DTD1: variants seen among roughly 807,000 people sequenced by gnomAD.
The protein encoded by DTD1 is D-aminoacyl-tRNA deacylase 1.
In DTD1, 13 loss-of-function variants were observed where a neutral mutation model predicts 25.6. The observed-to-expected ratio is 0.51, with a 90% CI of 0.33 to 0.81. The LOEUF is 0.81. Ranked by LOEUF, DTD1 falls within the 30% of genes least tolerant of loss-of-function variation. The probability of loss-of-function intolerance (pLI) is 0.02; values close to 1 mark genes in which losing one functional copy is unlikely to be tolerated. For missense variants in DTD1, 193 were observed against 266.4 expected (o/e 0.72, Z 1.92); for synonymous variants, 110 against 103.6 (o/e 1.06, Z -0.37).
At chr20:18,675,270 G>C (rs2060965866) in intron 4 of DTD1, 2 of 152,258 alleles carry the variant, frequency 1.3e-5, no homozygotes, top group Non-Finnish European at 2.9e-5. Flanking sequence ...GTCCCATACT[G>C]TCATTTCTGC....
chr20:18,702,604 G>A (rs928251349), intron 4 of DTD1, among the ~76,000 whole-genome samples: 8 of 152,138 alleles, frequency 5.3e-5, no homozygotes, highest in African/African-American at 7.2e-5. Context: ...CAGTGACCAG[G>A]AGCAGGTTGG....
chr20:18,650,885 T>TA (rs1467509008), intron 4 of DTD1, among the ~76,000 whole-genome samples: 2 of 152,166 alleles, frequency 1.3e-5, no homozygotes, highest in East Asian at 3.9e-4. Flanking sequence ...CCAGTGGAAT[T>TA]AAAAAGATAA....
At chr20:18,693,648 CT>C (rs560617190) in intron 4 of DTD1, among the ~76,000 whole-genome samples, 4 of 83,362 alleles carry the variant, frequency 4.8e-5, no homozygotes, top group Non-Finnish European at 6.9e-5. Context: ...CAGAGCGAGA[CT>C]CCCATCTAAA....
At chr20:18,706,827 CTGAAAGGAAGT>C (rs1389040707) in intron 4 of DTD1, among the ~76,000 whole-genome samples, 2 of 152,222 alleles carry the variant, frequency 1.3e-5, no homozygotes, top group Non-Finnish European at 2.9e-5. Flanking sequence ...ATTTAAGACT[CTGAAAGGAAGT>C]GCTGCCATTG....
At chr20:18,632,275 C>A in intron 4 of DTD1, 3 of 985,460 alleles carry the variant, frequency 3.0e-6, no homozygotes, top group Non-Finnish European at 3.6e-6. Context: ...TAGGAGTTTT[C>A]TCCTCAAATA....
chr20:18,725,090 A>C (rs952607411), intron 4 of DTD1, among the ~76,000 whole-genome samples: 3 of 151,712 alleles, frequency 2.0e-5, no homozygotes, highest in African/African-American at 7.3e-5. Flanking sequence ...CCTGCAGAGC[A>C]GGGCTACCCT....
At chr20:18,611,788 T>A (rs1007299508) in intron 3 of DTD1, among the ~76,000 whole-genome samples, 1 of 152,158 alleles carries the variant, frequency 6.6e-6, no homozygotes, top group Non-Finnish European at 1.5e-5. Context: ...TTGTTCTGTA[T>A]ACAGTGGAAC....
rs73601845 is a variant in DTD1, at chr20:18,749,332, C to T, written c.*19+5061C>T. The stretch of plus-strand genomic sequence containing the variant: ...CTGTGAGAGTGCTGCTCAGCATCGC[C>T]GTGGGGTGGGGAAGGCTCCAGAGGG... On this transcript the variant is annotated intron_variant, in intron 5 of 5. Coordinates refer to ENST00000377452, the MANE Select transcript of DTD1 (RefSeq NM_080820.6). This position sits in a 1 kb window ranked among gnomAD's most constrained non-coding sequence, Gnocchi z 4.2. Among the ~76,000 whole-genome samples, 100 of 152,158 alleles carry T rather than the reference C, an allele frequency of 6.6e-4. No individual in the cohort carries two copies. Among genetic ancestry groups the T allele is most frequent in the Middle Eastern group, 3.4e-3 (1 of 294 alleles).
chr20:18,606,819 C>G (rs1456898378), intron 3 of DTD1, among the ~76,000 whole-genome samples: 1 of 144,162 alleles, frequency 6.9e-6, no homozygotes, highest in East Asian at 2.0e-4. Context: ...GAAGATATAC[C>G]TAATGCTAGA....
At chr20:18,706,239 G>A (rs1369012808) in intron 4 of DTD1, among the ~76,000 whole-genome samples, 1 of 152,196 alleles carries the variant, frequency 6.6e-6, no homozygotes, top group African/African-American at 2.4e-5. Flanking sequence ...TGTGTGGTTT[G>A]TAGAAGTAGG....
chr20:18,744,002 CTT>C, intron 4 of DTD1, 96 bp from the exon 5 acceptor site: 1 of 1,372,198 alleles, frequency 7.3e-7, no homozygotes, highest in South Asian at 1.5e-5. Flanking sequence ...CAGAAAAAAA[CTT>C]TTCAATGGTT....
chr20:18,590,892 A>G (rs2060586844), intron 1 of DTD1, among the ~76,000 whole-genome samples: 1 of 152,372 alleles, frequency 6.6e-6, no homozygotes, highest in South Asian at 2.1e-4. Flanking sequence ...CCCATGTCCC[A>G]TCATTCATTG....
chr20:18,591,959 A>G (rs906378274), intron 1 of DTD1, among the ~76,000 whole-genome samples: 1 of 152,228 alleles, frequency 6.6e-6, no homozygotes, highest in Non-Finnish European at 1.5e-5. Flanking sequence ...AGATTTAAAA[A>G]ATTTTAGCCT....
intron 4 of DTD1, chr20:18,630,497 C>T (rs1258950222): frequency 6.6e-6 from 1 of 151,970 alleles, no homozygotes; most frequent in Non-Finnish European, 1.5e-5. Flanking sequence ...GTAGCTGGGA[C>T]TATAGGCACG....
At chr20:18,660,814 G>A (rs2060907012) in intron 4 of DTD1, among the ~76,000 whole-genome samples, 1 of 152,148 alleles carries the variant, frequency 6.6e-6, no homozygotes, top group South Asian at 2.1e-4. Context: ...ATTTTGTATT[G>A]AGGTTACTAT....
chr20:18,652,648 G>T (rs1438827273), intron 4 of DTD1, among the ~76,000 whole-genome samples: 1 of 152,188 alleles, frequency 6.6e-6, no homozygotes, highest in African/African-American at 2.4e-5. Flanking sequence ...AGCGGACTCT[G>T]CTAGCTTTGA....
At chr20:18,759,897 C>T (rs2061354624) in intron 5 of DTD1, among the ~76,000 whole-genome samples, 1 of 152,230 alleles carries the variant, frequency 6.6e-6, no homozygotes, top group South Asian at 2.1e-4. Context: ...TTGGTCTTTT[C>T]ACATAGTCCC....
chr20:18,685,841 G>A (rs545283002), intron 4 of DTD1, among the ~76,000 whole-genome samples: 56 of 152,338 alleles, frequency 3.7e-4, no homozygotes, highest in African/African-American at 1.3e-3. Context: ...AAGGGAGAAA[G>A]CCAGGCAGAT....
intron 4 of DTD1, among the ~76,000 whole-genome samples, chr20:18,726,052 A>T (rs2061221307): frequency 1.3e-5 from 2 of 152,180 alleles, no homozygotes; most frequent in South Asian, 4.1e-4. Context: ...TTTGTTATAG[A>T]AGAGGGAAGC....
Sources: allele counts gnomAD v4.1 joint callset (sites outside exome capture counted in the v4.1 genomes callset), GRCh38; gene constraint gnomAD v4.1.1; non-coding constraint Gnocchi (gnomAD v3.1); transcripts MANE v1.5; gene names NCBI Gene and HGNC (gene_info 2026-07-23, HGNC 2026-07-21).